Variants in ANKIB1 observed in about 807,000 individuals in gnomAD.
ANKIB1 encodes ankyrin repeat and IBR domain-containing protein 1.
ANKIB1 carries 43 observed loss-of-function variants against 122.1 expected under a neutral mutation model. The ratio of observed to expected loss-of-function variants is 0.35; its 90% CI spans 0.28 to 0.45. The LOEUF is 0.45. Among genes scored for constraint, ANKIB1 ranks in the 20% least tolerant of loss-of-function variants. The pLI is 1.00. For synonymous variants in ANKIB1, 390 were observed against 442.0 expected (o/e 0.88, Z 1.48); for missense variants, 992 against 1,329.5 (o/e 0.75, Z 3.95).
chr7:92,391,873 T>C (rs1411137848), intron 16 of ANKIB1, among the ~76,000 whole-genome samples: 3 of 152,140 alleles, frequency 2.0e-5, no homozygotes, highest in Non-Finnish European at 4.4e-5. Flanking sequence ...TGAAGCATAC[T>C]TTCCTATTTA....
intron 5 of ANKIB1, among the ~76,000 whole-genome samples, chr7:92,338,933 A>AAAATATATAT (rs1562786305): frequency 4.6e-4 from 10 of 21,920 alleles, no homozygotes; most frequent in Admixed American, 8.2e-4. Flanking sequence ...AAAAAAAAAA[A>AAAATATATAT]ATATATATAT....
chr7:92,357,451 T>C (rs1291821250), intron 9 of ANKIB1, among the ~76,000 whole-genome samples: 4 of 152,104 alleles, frequency 2.6e-5, no homozygotes, highest in Admixed American at 1.3e-4. Flanking sequence ...TTCAGGAATT[T>C]AGGCCGGGCT....
chr7:92,389,701 A>G (rs1303292832), intron 14 of ANKIB1, among the ~76,000 whole-genome samples: 2 of 152,170 alleles, frequency 1.3e-5, no homozygotes, highest in African/African-American at 2.4e-5. Flanking sequence ...AGAATCCAAG[A>G]TGAGTATGTG....
chr7:92,353,699 C>CGA (rs1269710409), intron 9 of ANKIB1, among the ~76,000 whole-genome samples: 1 of 152,220 alleles, frequency 6.6e-6, no homozygotes, highest in Non-Finnish European at 1.5e-5. Context: ...ACCCCTGACT[C>CGA]TAAGTCAAGG....
intron 5 of ANKIB1, 85 bp downstream of exon 5, chr7:92,327,985 G>T: frequency 2.4e-6 from 2 of 843,890 alleles, no homozygotes; most frequent in Non-Finnish European, 3.7e-6. Context: ...TTTTGTATTT[G>T]AATACAGAAC....
At chr7:92,283,956 G>C (rs183611674) in intron 1 of ANKIB1, among the ~76,000 whole-genome samples, 2 of 152,006 alleles carry the variant, frequency 1.3e-5, no homozygotes, top group African/African-American at 4.8e-5. Context: ...TTTTTAGTAG[G>C]GACGGGGTTT....
At chr7:92,308,534 G>C (rs1298495038) in intron 3 of ANKIB1, among the ~76,000 whole-genome samples, 2 of 152,010 alleles carry the variant, frequency 1.3e-5, no homozygotes, top group African/African-American at 2.4e-5. Flanking sequence ...ATTTTAAAAT[G>C]TGTATTTTTC....
chr7:92,273,402 A>G (rs1014908216), intron 1 of ANKIB1, among the ~76,000 whole-genome samples: 1 of 152,222 alleles, frequency 6.6e-6, no homozygotes, highest in Non-Finnish European at 1.5e-5. Context: ...TTCTGTCTCT[A>G]GACAACATCC....
intron 4 of ANKIB1, among the ~76,000 whole-genome samples, chr7:92,325,224 C>A (rs1803002997): frequency 6.6e-6 from 1 of 152,192 alleles, no homozygotes; most frequent in Non-Finnish European, 1.5e-5. Flanking sequence ...TCCTTCCCTT[C>A]CCCACTCTTA....
intron 10 of ANKIB1, among the ~76,000 whole-genome samples, chr7:92,369,586 A>G (rs1020334674): frequency 2.0e-5 from 3 of 152,128 alleles, no homozygotes; most frequent in Admixed American, 2.0e-4. Context: ...GGGGTTGGGT[A>G]ACTTTTCTTT....
At chr7:92,256,087 A>G (rs1367666494) in intron 1 of ANKIB1, among the ~76,000 whole-genome samples, 1 of 152,208 alleles carries the variant, frequency 6.6e-6, no homozygotes, top group Non-Finnish European at 1.5e-5. Context: ...TTATCATGAA[A>G]CTTGATAGAG....
intron 11 of ANKIB1, among the ~76,000 whole-genome samples, chr7:92,378,416 G>C (rs11971017): frequency 6.7e-6 from 1 of 148,368 alleles, no homozygotes; most frequent in South Asian, 2.1e-4. Context: ...GTTGTACCTC[G>C]TGTTATTGGT....
intron 11 of ANKIB1, 40 bp downstream of exon 11, chr7:92,371,647 A>G (rs1431963426): frequency 6.4e-7 from 1 of 1,566,720 alleles, no homozygotes; most frequent in South Asian, 1.2e-5. Flanking sequence ...TTGCATTTGG[A>G]ATCTTAATTT....
At chr7:92,309,366 C>T (rs1299357528) in intron 3 of ANKIB1, among the ~76,000 whole-genome samples, 1 of 152,186 alleles carries the variant, frequency 6.6e-6, no homozygotes, top group African/African-American at 2.4e-5. Context: ...ACTACAGGCA[C>T]ACACATGCCA....
chr7:92,359,566 T>G (rs1196803082), intron 9 of ANKIB1, among the ~76,000 whole-genome samples: 1 of 152,240 alleles, frequency 6.6e-6, no homozygotes, highest in Non-Finnish European at 1.5e-5. Context: ...GCATGATTTA[T>G]AATCCTTTGG....
At chr7:92,332,990 A>G (rs151327827) in intron 5 of ANKIB1, among the ~76,000 whole-genome samples, 2 of 152,270 alleles carry the variant, frequency 1.3e-5, no homozygotes, top group African/African-American at 2.4e-5. Flanking sequence ...GCACCAGCCA[A>G]CCAACTGGGT....
At chr7:92,356,806 C>T (rs1377517142) in intron 9 of ANKIB1, among the ~76,000 whole-genome samples, 2 of 152,170 alleles carry the variant, frequency 1.3e-5, no homozygotes, top group East Asian at 3.8e-4. Context: ...CTGAACCTCT[C>T]TGTGCATGTA....
At chr7:92,308,425 C>T (rs941559486) in intron 3 of ANKIB1, among the ~76,000 whole-genome samples, 3 of 151,938 alleles carry the variant, frequency 2.0e-5, no homozygotes, top group Admixed American at 2.0e-4. Flanking sequence ...AAATTTTTGG[C>T]AAGTGGGACC....
chr7:92,322,706 A>G (rs1217361510), intron 4 of ANKIB1, among the ~76,000 whole-genome samples: 1 of 152,156 alleles, frequency 6.6e-6, no homozygotes, highest in Non-Finnish European at 1.5e-5. Flanking sequence ...AGAACATACA[A>G]TCTACATATT....
Sources: gnomAD v4.1 joint callset for allele counts (sites outside exome capture counted in the v4.1 genomes callset) on GRCh38, gnomAD v4.1.1 for gene constraint, MANE v1.5 for transcripts, NCBI Gene and HGNC (gene_info 2026-07-23, HGNC 2026-07-21) for gene names.